The following MCTP2 variants were observed in gnomAD, a reference collection of about 807,000 sequenced individuals.
MCTP2 encodes the protein multiple C2 and transmembrane domain containing 2.
Under a neutral mutation model 111.6 loss-of-function variants are expected in MCTP2, and 132 were observed. The ratio of observed to expected loss-of-function variants is 1.18; its 90% confidence interval spans 1.03 to 1.37. The LOEUF (loss-of-function observed/expected upper bound fraction) is 1.37, where lower values mean the gene tolerates loss of function less well. Among genes scored for constraint, MCTP2 ranks in the 40% most tolerant of loss-of-function variants. The pLI, the probability that MCTP2 is intolerant of heterozygous loss-of-function variation, is 0.00. For missense variants in MCTP2, 1,183 were observed against 1,067.9 expected (o/e 1.11, Z -1.50); for synonymous variants, 395 against 387.7 (o/e 1.02, Z -0.22).
intron 1 of MCTP2, among the ~76,000 whole-genome samples, chr15:94,243,767 ATATT>A (rs768747641): frequency 6.7e-5 from 10 of 148,440 alleles, no homozygotes; most frequent in East Asian, 4.0e-4. Context: ...ATATGTGTAT[ATATT>A]TATGAACATA....
At chr15:94,468,490 AAGG>A (rs1409877548) in intron 20 of MCTP2, among the ~76,000 whole-genome samples, 1 of 152,144 alleles carries the variant, frequency 6.6e-6, no homozygotes, top group Non-Finnish European at 1.5e-5. Context: ...GCCAAAAAAA[AAGG>A]TTAGAAATCA....
At chr15:94,434,032 G>A (rs548366241) in intron 17 of MCTP2, among the ~76,000 whole-genome samples, 51 of 151,992 alleles carry the variant, frequency 3.4e-4, no homozygotes, top group African/African-American at 5.5e-4. Context: ...TTCATTTTGC[G>A]ACTTGCCCTT....
chr15:94,441,688 A>C (rs182059104), intron 18 of MCTP2, among the ~76,000 whole-genome samples: 66 of 152,312 alleles, frequency 4.3e-4, no homozygotes, highest in African/African-American at 1.5e-3. Flanking sequence ...TTTTCATTTT[A>C]TGTCTTATGA....
chr15:94,390,074 ATATATATATATATATG>A (rs1567602323), intron 14 of MCTP2, among the ~76,000 whole-genome samples: 27 of 25,842 alleles, frequency 1.0e-3, no homozygotes, highest in African/African-American at 3.0e-3. Flanking sequence ...ATATATATAT[ATATATATATATATATG>A]TATATATATA....
At chr15:94,385,591 G>T in intron 14 of MCTP2, 66 bp downstream of exon 14, 4 of 1,134,164 alleles carry the variant, frequency 3.5e-6, no homozygotes, top group Non-Finnish European at 5.3e-6. Context: ...CTATGGTCTA[G>T]AGTTGCTTTA....
At chr15:94,400,921 A>C (rs1160435903) in intron 16 of MCTP2, among the ~76,000 whole-genome samples, 1 of 152,214 alleles carries the variant, frequency 6.6e-6, no homozygotes, top group Non-Finnish European at 1.5e-5. Context: ...GGTCTGCCGT[A>C]ACATTGAGTG....
At chr15:94,407,346 T>C (rs961599864) in intron 17 of MCTP2, among the ~76,000 whole-genome samples, 2 of 152,238 alleles carry the variant, frequency 1.3e-5, no homozygotes, top group African/African-American at 4.8e-5. Flanking sequence ...CACACACCTA[T>C]TGTATCAAGG....
At chr15:94,448,927 G>C (rs1165527855) in intron 19 of MCTP2, among the ~76,000 whole-genome samples, 1 of 152,216 alleles carries the variant, frequency 6.6e-6, no homozygotes, top group Non-Finnish European at 1.5e-5. Flanking sequence ...TGTAGTCCCA[G>C]CTACTCGGGA....
chr15:94,318,383 A>G (rs2076475663), intron 4 of MCTP2, among the ~76,000 whole-genome samples: 1 of 151,264 alleles, frequency 6.6e-6, no homozygotes, highest in Admixed American at 6.6e-5. Context: ...TCCTGGGTTC[A>G]AGCGATTCTC....
At chr15:94,266,095 C>CA (rs1555443466) in intron 1 of MCTP2, among the ~76,000 whole-genome samples, 1 of 149,818 alleles carries the variant, frequency 6.7e-6, no homozygotes, top group Non-Finnish European at 1.5e-5. Context: ...CACACACACA[C>CA]GTGCTCTACA....
chr15:94,425,373 T>G (rs1383723669), intron 17 of MCTP2, among the ~76,000 whole-genome samples: 1 of 152,186 alleles, frequency 6.6e-6, no homozygotes, highest in Non-Finnish European at 1.5e-5. Context: ...TCTTCAAGAA[T>G]GTCTTGGTAA....
intron 21 of MCTP2, among the ~76,000 whole-genome samples, chr15:94,472,308 C>T (rs981327478): frequency 7.2e-5 from 11 of 152,152 alleles, no homozygotes; most frequent in Admixed American, 1.3e-4. Context: ...ATCCGGGAGG[C>T]GGAAGTTGCA....
intron 19 of MCTP2, 58 bp from the exon 20 acceptor site, chr15:94,458,079 G>C: frequency 1.1e-6 from 1 of 906,810 alleles, no homozygotes; most frequent in Non-Finnish European, 1.8e-6. Flanking sequence ...AATATTTTCT[G>C]TATCAGCATG....
At chr15:94,232,542 G>A (rs936536730) in intron 1 of MCTP2, among the ~76,000 whole-genome samples, 1 of 152,116 alleles carries the variant, frequency 6.6e-6, no homozygotes, top group African/African-American at 2.4e-5. Flanking sequence ...TTCATTTTTT[G>A]CTTGAGTCAG....
intron 1 of MCTP2, among the ~76,000 whole-genome samples, chr15:94,240,203 C>G (rs539602876): frequency 6.6e-6 from 1 of 152,176 alleles, no homozygotes; most frequent in Admixed American, 6.5e-5. Context: ...TCAGTGGTAG[C>G]ATTATCTTAG....
intron 12 of MCTP2, among the ~76,000 whole-genome samples, chr15:94,379,733 A>G: frequency 7.0e-6 from 1 of 142,598 alleles, no homozygotes; most frequent in Non-Finnish European, 1.5e-5. Flanking sequence ...TATAATGTGT[A>G]ATATAATATA....
At chr15:94,388,195 G>A (rs1409319037) in intron 14 of MCTP2, among the ~76,000 whole-genome samples, 2 of 152,186 alleles carry the variant, frequency 1.3e-5, no homozygotes, top group African/African-American at 4.8e-5. Flanking sequence ...AAAGTGCTGT[G>A]TACATCCAGG....
chr15:94,273,405 C>G (rs2074017388), intron 1 of MCTP2: 1 of 152,150 alleles, frequency 6.6e-6, no homozygotes, highest in Non-Finnish European at 1.5e-5. Flanking sequence ...TAGACAATCC[C>G]CATATAGAAA....
At chr15:94,244,904 A>G (rs1484419946) in intron 1 of MCTP2, among the ~76,000 whole-genome samples, 1 of 147,902 alleles carries the variant, frequency 6.8e-6, no homozygotes, top group Non-Finnish European at 1.5e-5. Flanking sequence ...ACACATACAT[A>G]TGCACCTATG....
Sources: gnomAD v4.1 joint callset for allele counts (sites outside exome capture counted in the v4.1 genomes callset) on GRCh38, gnomAD v4.1.1 for gene constraint, MANE v1.5 for transcripts, NCBI Gene and HGNC (gene_info 2026-07-23, HGNC 2026-07-21) for gene names.